MSRA: variants seen among roughly 807,000 people sequenced by gnomAD.
MSRA encodes the protein mitochondrial peptide methionine sulfoxide reductase.
MSRA carries 54 observed loss-of-function variants against 31.3 expected under a neutral mutation model. The ratio of observed to expected loss-of-function variants is 1.73; its 90% CI spans 1.39 to 2.17. MSRA has a LOEUF of 2.17. MSRA is among the 30% of genes most tolerant of loss of function. The probability of loss-of-function intolerance (pLI) is 0.00; values close to 1 mark genes in which losing one functional copy is unlikely to be tolerated. For synonymous variants in MSRA, 169 were observed against 116.5 expected (o/e 1.45, Z -2.90); for missense variants, 507 against 300.9 (o/e 1.69, Z -5.07).
intron 1 of MSRA, among the ~76,000 whole-genome samples, chr8:10,079,498 C>T (rs995869467): frequency 1.3e-5 from 2 of 152,126 alleles, no homozygotes; most frequent in Admixed American, 6.5e-5. Flanking sequence ...ACAGGAACAT[C>T]GCAGCTTACT....
intron 4 of MSRA, among the ~76,000 whole-genome samples, chr8:10,313,732 T>C (rs1177068072): frequency 6.6e-6 from 1 of 152,212 alleles, no homozygotes; most frequent in Non-Finnish European, 1.5e-5. Flanking sequence ...AAAGCAAAGA[T>C]ACTTGCATAA....
intron 3 of MSRA, among the ~76,000 whole-genome samples, chr8:10,299,125 G>A (rs1800703709): frequency 6.6e-6 from 1 of 152,016 alleles, no homozygotes; most frequent in African/African-American, 2.4e-5. Context: ...GCATTTATTT[G>A]CTTTCATTTT....
At chr8:10,189,072 C>T (rs547519135) in intron 1 of MSRA, among the ~76,000 whole-genome samples, 2 of 152,208 alleles carry the variant, frequency 1.3e-5, no homozygotes, top group East Asian at 1.9e-4. Context: ...GGGTACAGAC[C>T]TTACTGACAT....
At chr8:10,085,611 G>A (rs750921437) in intron 1 of MSRA, among the ~76,000 whole-genome samples, 17 of 152,086 alleles carry the variant, frequency 1.1e-4, no homozygotes, top group Non-Finnish European at 1.9e-4. Flanking sequence ...TATCATTTAT[G>A]TACCACAAAA....
At chr8:10,182,009 G>A (rs971169156) in intron 1 of MSRA, among the ~76,000 whole-genome samples, 1 of 152,024 alleles carries the variant, frequency 6.6e-6, no homozygotes, top group Non-Finnish European at 1.5e-5. Context: ...TACAAGGGTG[G>A]GGCAGGGAGA....
intron 1 of MSRA, among the ~76,000 whole-genome samples, chr8:10,106,422 C>G (rs1231499890): frequency 6.6e-6 from 1 of 152,222 alleles, no homozygotes; most frequent in Admixed American, 6.5e-5. Flanking sequence ...GTCACCGTCT[C>G]TGCACCATTC....
rs75370818 is a variant in MSRA at position 10,237,761 on chromosome 8, C to T, written c.212-7343C>T. Reference sequence around the variant, plus strand: ...CTTTCTCTCAAACTCTGTGTCAAATCTGTCAGGAAATCCTTTTGGCTCTAT... The same window carrying T: ...CTTTCTCTCAAACTCTGTGTCAAATTTGTCAGGAAATCCTTTTGGCTCTAT... On this transcript the variant is annotated intron_variant, in intron 2 of 5. Coordinates refer to ENST00000317173, the MANE Select transcript of MSRA (RefSeq NM_012331.5). Among the ~76,000 whole-genome samples, 813 of 152,356 alleles carry T rather than the reference C, an allele frequency of 5.3e-3. 13 individuals carry two copies. The highest frequency in any genetic ancestry group is 0.019 in the African/African-American group (776 of 41,578).
In MSRA at chr8:10,425,604, G is replaced by A. The variant is rs569064704; in HGVS notation, c.544-2544G>A. ...GAGGGTGGATCTCAGACACAGGCAG[G>A]CTGGGAGGTCTGCACAGGTGTGGCC... is the stretch of plus-strand genomic sequence containing the variant. On this transcript the variant is annotated intron_variant, in intron 5 of 5. Transcript: ENST00000317173. Among the ~76,000 whole-genome samples the A allele has an allele frequency of 2.0e-5, 3 of 152,362 alleles. No individual in the cohort carries two copies. The East Asian group carries it at 5.8e-4, about 29-fold the overall frequency.
At chr8:10,347,391 C>A (rs1342673846) in intron 5 of MSRA, among the ~76,000 whole-genome samples, 1 of 152,182 alleles carries the variant, frequency 6.6e-6, no homozygotes, top group Non-Finnish European at 1.5e-5. Context: ...AACATTTGAT[C>A]TTTCTCCCAA....
chr8:10,256,649 C>G (rs1169955630), intron 3 of MSRA, among the ~76,000 whole-genome samples: 1 of 152,214 alleles, frequency 6.6e-6, no homozygotes, highest in African/African-American at 2.4e-5. Flanking sequence ...GCACCTCTGT[C>G]TAGGTGGGTG....
chr8:10,179,195 G>A (rs1053650220), intron 1 of MSRA, among the ~76,000 whole-genome samples: 1 of 152,130 alleles, frequency 6.6e-6, no homozygotes, highest in East Asian at 1.9e-4. Flanking sequence ...ATAGTAATGT[G>A]ATAAGACAGA....
chr8:10,100,824 C>T (rs762641253), intron 1 of MSRA, among the ~76,000 whole-genome samples: 1 of 152,146 alleles, frequency 6.6e-6, no homozygotes, highest in Non-Finnish European at 1.5e-5. Flanking sequence ...ATTTTCTTCT[C>T]TTACAGTTAA....
At chr8:10,199,511 C>T (rs1007646350) in intron 1 of MSRA, among the ~76,000 whole-genome samples, 3 of 151,850 alleles carry the variant, frequency 2.0e-5, no homozygotes, top group Admixed American at 6.6e-5. Flanking sequence ...GTAGAGATGG[C>T]GTTTCACCAT....
intron 5 of MSRA, among the ~76,000 whole-genome samples, chr8:10,427,933 A>C (rs1241398733): frequency 6.6e-6 from 1 of 151,922 alleles, no homozygotes; most frequent in Non-Finnish European, 1.5e-5. Flanking sequence ...TCTGATATAA[A>C]CCTGATTTCA....
chr8:10,252,534 G>T (rs1040905909), intron 3 of MSRA, among the ~76,000 whole-genome samples: 5 of 152,136 alleles, frequency 3.3e-5, no homozygotes, highest in Admixed American at 2.6e-4. Flanking sequence ...AGTAAAGAGC[G>T]CCTGCAGGAG....
At chr8:10,192,419 C>A (rs761828467) in intron 1 of MSRA, among the ~76,000 whole-genome samples, 15 of 152,198 alleles carry the variant, frequency 9.9e-5, no homozygotes, top group Admixed American at 1.3e-4. Context: ...CCAGCTGACA[C>A]CTTGATTGCA....
At chr8:10,389,857 C>T (rs1026587678) in intron 5 of MSRA, among the ~76,000 whole-genome samples, 15 of 144,908 alleles carry the variant, frequency 1.0e-4, no homozygotes, top group African/African-American at 3.8e-4. Context: ...TACAACCACA[C>T]ACTGTTGCCT....
chr8:10,224,508 C>G (rs776349495), intron 2 of MSRA, among the ~76,000 whole-genome samples: 1 of 152,016 alleles, frequency 6.6e-6, no homozygotes, highest in Non-Finnish European at 1.5e-5. Flanking sequence ...AAAAAAAGAC[C>G]AAATAAAAAT....
chr8:10,149,501 G>C (rs1424103289), intron 1 of MSRA, among the ~76,000 whole-genome samples: 1 of 152,218 alleles, frequency 6.6e-6, no homozygotes, highest in Non-Finnish European at 1.5e-5. Context: ...ATTGAAGGGA[G>C]AAGGTCGCAC....
Sources: allele counts gnomAD v4.1 joint callset (sites outside exome capture counted in the v4.1 genomes callset), GRCh38; gene constraint gnomAD v4.1.1; transcripts MANE v1.5; gene names NCBI Gene and HGNC (gene_info 2026-07-23, HGNC 2026-07-21).